The following ARHGEF12 variants were observed in gnomAD, a reference collection of about 807,000 sequenced individuals.
ARHGEF12 encodes the protein KMT2A/ARHGEF12 fusion protein.
ARHGEF12 carries 66 observed loss-of-function variants against 211.2 expected under a neutral mutation model. That is an observed-to-expected ratio of 0.31 (90% CI 0.26 to 0.38). The LOEUF (loss-of-function observed/expected upper bound fraction) is 0.38. Ranked by LOEUF, ARHGEF12 falls within the 10% of genes least tolerant of loss-of-function variation. ARHGEF12 has a pLI of 1.00. For synonymous variants in ARHGEF12, 592 were observed against 638.4 expected, an observed-to-expected ratio of 0.93 and a Z score of 1.09; for missense variants, 1,429 against 1,869.5, an observed-to-expected ratio of 0.76 and a Z score of 4.34.
intron 1 of ARHGEF12, among the ~76,000 whole-genome samples, chr11:120,347,190 T>TTCTTTCTTTCTTTCTTTC (rs1371137316): frequency 2.8e-5 from 4 of 141,208 alleles, no homozygotes; most frequent in Non-Finnish European, 4.6e-5. Context: ...CTTCCTTTCT[T>TTCTTTCTTTCTTTCTTTC]TCTTTCTTTC....
intron 35 of ARHGEF12, 48 bp downstream of exon 35, chr11:120,477,353 T>G (rs1565513183): frequency 6.2e-7 from 1 of 1,607,972 alleles, no homozygotes; most frequent in Admixed American, 1.7e-5. Context: ...TGTTTTGGGT[T>G]GGAAAAGACT....
chr11:120,442,095 C>G lies in ARHGEF12; in HGVS notation c.1204-9C>G, dbSNP rs1439653606. 10 of 1,564,208 alleles carry G rather than the reference C, an allele frequency of 6.4e-6. No homozygotes were observed. The highest frequency in any genetic ancestry group is 1.4e-5 in the African/African-American group (1 of 72,976). On this transcript the variant is annotated splice_polypyrimidine_tract_variant and intron_variant, in intron 14 of 40. Transcript: ENST00000397843. Reference sequence around the variant, plus strand: ...CATTTTGTCTTTTTCATTCCTTTCTCCACTACAGCTCTGTTATCTCTATTC... The same window carrying G: ...CATTTTGTCTTTTTCATTCCTTTCTGCACTACAGCTCTGTTATCTCTATTC...
At chr11:120,347,171 C>CT (rs1565417119) in intron 1 of ARHGEF12, among the ~76,000 whole-genome samples, 1 of 56,908 alleles carries the variant, frequency 1.8e-5, no homozygotes, top group Non-Finnish European at 3.9e-5. Flanking sequence ...TTCCTTCCTT[C>CT]CTTCCTTCCT....
chr11:120,457,884 C>A, intron 24 of ARHGEF12, 128 bp downstream of exon 24: 2 of 1,194,246 alleles, frequency 1.7e-6, no homozygotes, highest in Non-Finnish European at 2.3e-6. Context: ...TAAAAGAAAG[C>A]TCTTAAGAAA....
intron 1 of ARHGEF12, among the ~76,000 whole-genome samples, chr11:120,376,222 A>AT (rs34068708): frequency 1.0e-3 from 153 of 150,596 alleles, no homozygotes; most frequent in East Asian, 7.2e-3. Context: ...GAAATGTTAA[A>AT]TTTTTTTTTT....
rs747019665 is a variant in ARHGEF12 at position 120,449,132 on chromosome 11, A to C, written c.1761A>C (p.Glu587Asp). 97 of 1,614,032 alleles carry C rather than the reference A, an allele frequency of 6.0e-5. No homozygotes were observed. Among genetic ancestry groups the C allele is most frequent in the Non-Finnish European group, 7.9e-5 (93 of 1,180,006 alleles). The change falls in exon 21 of 41, where the codon GAA (glutamate) becomes GAC (aspartate). Residue 587 changes from glutamate (E) to aspartate (D), a missense_variant. Transcript: ENST00000397843. ...AGCAAAGTATGAAGAAAGATAAAGA[A>C]GGGGAAGAAAAAGGGAAGCGAAGAG... is the stretch of plus-strand genomic sequence containing the variant. ...KIKQSMKKDK[E>D]GEEKGKRRGF...
Position 120,489,392 on chromosome 11 carries a change from TA to T in ARHGEF12, c.*4318del, listed in dbSNP as rs1437250737. The T allele has an allele frequency of 6.7e-5, 15 of 224,282 alleles. No homozygotes were observed. The highest frequency in any genetic ancestry group is 1.2e-4 in the Non-Finnish European group (14 of 112,470). 13.9% of individuals were successfully genotyped at this position (224,282 alleles called of 1,614,324 possible). On this transcript the variant is annotated 3_prime_UTR_variant, in exon 41 of 41. Transcript: ENST00000397843. ...TTGCTATTGTAACTATTTTTAAGTA[TA>T]AAGTTCAGTGAGGTAGGCCAGCTTT...
intron 7 of ARHGEF12, among the ~76,000 whole-genome samples, chr11:120,426,822 AAAGTTTT>A (rs1444582169): frequency 6.6e-6 from 1 of 152,060 alleles, no homozygotes; most frequent in Admixed American, 6.6e-5. Context: ...ATCTAAGAAA[AAAGTTTT>A]GCCATATCTA....
intron 15 of ARHGEF12, among the ~76,000 whole-genome samples, 168 bp from the exon 16 acceptor site, chr11:120,445,254 C>T (rs1002750687): frequency 3.9e-5 from 6 of 152,270 alleles, no homozygotes; most frequent in South Asian, 2.1e-4. Context: ...CAAGTTTAAA[C>T]GATAGAATGT....
chr11:120,387,619 A>G (rs917511807), intron 1 of ARHGEF12, among the ~76,000 whole-genome samples: 1 of 152,142 alleles, frequency 6.6e-6, no homozygotes, highest in Non-Finnish European at 1.5e-5. Flanking sequence ...AGTAATCTGA[A>G]GTTTGCTGGA....
intron 1 of ARHGEF12, among the ~76,000 whole-genome samples, chr11:120,351,120 C>T (rs1465742846): frequency 6.6e-6 from 1 of 151,510 alleles, no homozygotes; most frequent in Non-Finnish European, 1.5e-5. Flanking sequence ...GAGGCTGAGG[C>T]GGGCGGATCA....
At position 120,486,705 on chromosome 11, in the gene ARHGEF12, G is replaced by A. The variant is rs1340851506; in HGVS notation, c.*1628G>A. The A allele has an allele frequency of 4.6e-6, 1 of 215,544 alleles. No homozygotes were observed. The highest frequency in any genetic ancestry group is 9.2e-6 in the Non-Finnish European group (1 of 108,808). The allele number at this position is 215,544 out of a possible 1,614,324, so 13.4% of individuals were successfully genotyped here. A position where few individuals can be genotyped will look rare whatever the true frequency, so the allele number is the denominator to read the frequency against. ...GATGTAATTTTAATGCTTCCCTGCA[G>A]TCCAAAGATGATTTTTTCACCACAA... On this transcript the variant is annotated 3_prime_UTR_variant, in exon 41 of 41. Transcript: ENST00000397843.
chr11:120,458,771 C>A, intron 25 of ARHGEF12: 1 of 160,380 alleles, frequency 6.2e-6, no homozygotes, highest in Non-Finnish European at 1.4e-5. Context: ...AAATTATAAG[C>A]CTGACCCCAG....
At chr11:120,460,455 C>CA (rs1353937376) in intron 26 of ARHGEF12, among the ~76,000 whole-genome samples, 2 of 151,968 alleles carry the variant, frequency 1.3e-5, no homozygotes, top group Non-Finnish European at 2.9e-5. Context: ...TGCTAGTTTC[C>CA]AAAAATGTTT....
intron 23 of ARHGEF12, 133 bp from the exon 24 acceptor site, chr11:120,457,588 A>G (rs1946400827): frequency 1.2e-5 from 7 of 599,414 alleles, no homozygotes; most frequent in Non-Finnish European, 1.8e-5. Context: ...TTTATTTTAT[A>G]TTAAATTATT....
Position 120,486,194 on chromosome 11 carries a change from T to G in ARHGEF12, c.*1117T>G, listed in dbSNP as rs1039209956. ...CAGGTACTGCTGATTATAAGGCCAG[T>G]AAAATTTTAGTACCTGGAGGTTTGA... On this transcript the variant is annotated 3_prime_UTR_variant, in exon 41 of 41. Transcript: ENST00000397843. 1.3e-5 allele frequency: 3 copies of G among 233,312 alleles called. No homozygotes were observed. The highest frequency in any genetic ancestry group is 2.5e-5 in the Non-Finnish European group (3 of 117,890). The allele number at this position is 233,312 out of a possible 1,614,324, so 14.5% of individuals were successfully genotyped here. A position where few individuals can be genotyped will look rare whatever the true frequency, so the allele number is the denominator to read the frequency against.
chr11:120,400,146 C>T (rs1284350250), intron 1 of ARHGEF12, among the ~76,000 whole-genome samples: 1 of 152,034 alleles, frequency 6.6e-6, no homozygotes, highest in Admixed American at 6.6e-5. Context: ...AACATTTAAT[C>T]ATAATATATT....
At chr11:120,411,041 C>A (rs1250562626) in intron 4 of ARHGEF12, 1 of 152,130 alleles carries the variant, frequency 6.6e-6, no homozygotes, top group East Asian at 1.9e-4. Context: ...AATTTAGGAA[C>A]CTCTGACTAG....
At chr11:120,478,545 C>T (rs920794977) in intron 37 of ARHGEF12, among the ~76,000 whole-genome samples, 156 bp downstream of exon 37, 1 of 152,190 alleles carries the variant, frequency 6.6e-6, no homozygotes. Context: ...CAGGCACACA[C>T]ACACATGCCA....
Sources: allele counts gnomAD v4.1 joint callset (sites outside exome capture counted in the v4.1 genomes callset), GRCh38; gene constraint gnomAD v4.1.1; transcripts MANE v1.5; gene names NCBI Gene and HGNC (gene_info 2026-07-23, HGNC 2026-07-21).